Variants in ROBO2 observed in about 807,000 individuals in gnomAD.
The protein encoded by ROBO2 is roundabout guidance receptor 2.
A neutral mutation model predicts 160.8 loss-of-function variants in ROBO2; 53 were observed. The ratio of observed to expected loss-of-function variants is 0.33; its 90% CI spans 0.26 to 0.41. The LOEUF is 0.41. ROBO2 is among the 10% of genes least tolerant of loss of function. The probability of loss-of-function intolerance (pLI) is 1.00; values close to 1 mark genes in which losing one functional copy is unlikely to be tolerated. For synonymous variants in ROBO2, 664 were observed against 611.7 expected, an observed-to-expected ratio of 1.09 and a Z score of -1.26; for missense variants, 1,577 against 1,722.4, an observed-to-expected ratio of 0.92 and a Z score of 1.49.
intron 2 of ROBO2, among the ~76,000 whole-genome samples, chr3:76,883,564 T>C (rs1447192900): frequency 6.6e-6 from 1 of 152,196 alleles, no homozygotes; most frequent in Non-Finnish European, 1.5e-5. Flanking sequence ...ATGGAAACCA[T>C]TTATCTCAAA....
chr3:76,624,617 G>A (rs2089478890), intron 2 of ROBO2, among the ~76,000 whole-genome samples: 1 of 151,574 alleles, frequency 6.6e-6, no homozygotes, highest in African/African-American at 2.4e-5. Context: ...TGGCCAACGT[G>A]GTGAAACCCC....
intron 2 of ROBO2, among the ~76,000 whole-genome samples, chr3:76,334,854 T>C (rs1033409897): frequency 3.3e-5 from 5 of 152,094 alleles, no homozygotes; most frequent in African/African-American, 1.2e-4. Context: ...AGGAGTTACC[T>C]GAGGAAGAGG....
chr3:77,017,515 T>G (rs1482665404), intron 2 of ROBO2, among the ~76,000 whole-genome samples: 1 of 152,224 alleles, frequency 6.6e-6, no homozygotes, highest in Non-Finnish European at 1.5e-5. Flanking sequence ...GCACCAGAGC[T>G]GCTTAAGTTG....
At chr3:77,160,109 A>G (rs7432747) in intron 2 of ROBO2, among the ~76,000 whole-genome samples, 60,570 of 151,658 alleles carry the variant, frequency 0.4, 12,499 homozygotes, top group Middle Eastern at 0.52. Flanking sequence ...CCACAAACAC[A>G]AAACATGATT....
intron 6 of ROBO2, among the ~76,000 whole-genome samples, chr3:77,538,170 CTTTTTTTTTTTTTTT>C (rs59409802): frequency 2.3e-4 from 24 of 102,518 alleles, no homozygotes; most frequent in Non-Finnish European, 3.8e-5. Flanking sequence ...TGATCATTTA[CTTTTTTTTTTTTTTT>C]TTTTTTTTTT....
intron 2 of ROBO2, among the ~76,000 whole-genome samples, chr3:76,180,220 C>T (rs1701438992): frequency 6.6e-6 from 1 of 152,136 alleles, no homozygotes; most frequent in Admixed American, 6.6e-5. Flanking sequence ...CATCCCTCAC[C>T]CAAGGCAATG....
At chr3:76,848,217 A>G (rs2068963471) in intron 2 of ROBO2, among the ~76,000 whole-genome samples, 1 of 152,204 alleles carries the variant, frequency 6.6e-6, no homozygotes, top group Non-Finnish European at 1.5e-5. Flanking sequence ...TACTTCTCCA[A>G]ATAAATCTTA....
intron 2 of ROBO2, among the ~76,000 whole-genome samples, chr3:77,357,609 G>T (rs867634351): frequency 1.8e-4 from 28 of 152,244 alleles, no homozygotes; most frequent in Middle Eastern, 6.8e-3. Context: ...ACATAGATTG[G>T]TTTTGAATCT....
intron 2 of ROBO2, among the ~76,000 whole-genome samples, chr3:76,750,908 C>A (rs958064873): frequency 6.6e-6 from 1 of 152,130 alleles, no homozygotes; most frequent in Non-Finnish European, 1.5e-5. Flanking sequence ...CCCCATCAAG[C>A]TATCAATGAC....
intron 2 of ROBO2, among the ~76,000 whole-genome samples, chr3:76,370,927 A>T (rs565447819): frequency 6.6e-6 from 1 of 151,932 alleles, no homozygotes; most frequent in South Asian, 2.1e-4. Context: ...TCTTTCTGCT[A>T]GGTTGAGTTT....
At chr3:77,389,728 T>A (rs2153498573) in intron 2 of ROBO2, among the ~76,000 whole-genome samples, 1 of 152,240 alleles carries the variant, frequency 6.6e-6, no homozygotes, top group African/African-American at 2.4e-5. Flanking sequence ...CTTTGTAATT[T>A]CTCTTTTTGA....
intron 2 of ROBO2, among the ~76,000 whole-genome samples, chr3:77,118,726 C>T (rs528362278): frequency 2.0e-5 from 3 of 152,106 alleles, no homozygotes; most frequent in Non-Finnish European, 2.9e-5. Flanking sequence ...TATACAGTCA[C>T]GCATTGCTTA....
intron 2 of ROBO2, among the ~76,000 whole-genome samples, chr3:77,334,065 T>C (rs2066245700): frequency 6.6e-6 from 1 of 152,222 alleles, no homozygotes; most frequent in Non-Finnish European, 1.5e-5. Flanking sequence ...TAAATGTTCT[T>C]AAAACTAACA....
intron 2 of ROBO2, among the ~76,000 whole-genome samples, chr3:76,765,029 A>G (rs1035498466): frequency 2.6e-5 from 4 of 151,576 alleles, no homozygotes; most frequent in Admixed American, 2.0e-4. Context: ...CATTGTACCC[A>G]ATAGGTAATT....
intron 2 of ROBO2, among the ~76,000 whole-genome samples, chr3:76,243,611 A>C (rs1352139921): frequency 6.6e-6 from 1 of 152,204 alleles, no homozygotes. Context: ...TTAGGAAACC[A>C]ACAGTAAAAA....
intron 2 of ROBO2, among the ~76,000 whole-genome samples, chr3:77,121,517 T>G (rs896149342): frequency 2.8e-4 from 42 of 152,290 alleles, no homozygotes; most frequent in African/African-American, 9.9e-4. Context: ...CTCTCTTGGG[T>G]TCTCTGTGAA....
chr3:76,315,539 T>G (rs1030483046), intron 2 of ROBO2, among the ~76,000 whole-genome samples: 4 of 152,178 alleles, frequency 2.6e-5, no homozygotes, highest in Admixed American at 6.5e-5. Context: ...CTTATCTGCA[T>G]GGTCCCATCT....
rs79306206 is a variant in ROBO2, at chr3:77,516,484, C to A, written c.807-6291C>A. 9.4e-3 allele frequency among the ~76,000 whole-genome samples: 1,429 copies of A among 151,672 alleles called. 17 individuals carry two copies. Among genetic ancestry groups the A allele is most frequent in the African/African-American group, 0.03 (1,264 of 41,460 alleles). On this transcript the variant is annotated intron_variant, in intron 5 of 25. Coordinates refer to ENST00000461745, the Ensembl canonical transcript of ROBO2. ...ATATTTGAAAGCATGGAACAAAACA[C>A]AAAGCTTACATTGTTTTCTCTCAGT...
At chr3:75,927,775 TA>T (rs1947345639) in intron 1 of ROBO2, among the ~76,000 whole-genome samples, 1 of 152,226 alleles carries the variant, frequency 6.6e-6, no homozygotes, top group African/African-American at 2.4e-5. Context: ...AGAATTATGC[TA>T]AACAAGGAAC....
Sources: allele counts gnomAD v4.1 joint callset (sites outside exome capture counted in the v4.1 genomes callset), GRCh38; gene constraint gnomAD v4.1.1; transcripts MANE v1.5; gene names NCBI Gene and HGNC (gene_info 2026-07-23, HGNC 2026-07-21).